DNAAF9: variants seen among roughly 807,000 people sequenced by gnomAD.
DNAAF9 encodes shulin.
A neutral mutation model predicts 167.0 loss-of-function variants in DNAAF9; 90 were observed. The observed-to-expected ratio is 0.54, with a 90% CI of 0.45 to 0.64. The LOEUF (loss-of-function observed/expected upper bound fraction) is 0.64, where lower values mean the gene tolerates loss of function less well. Among genes scored for constraint, DNAAF9 ranks in the 30% least tolerant of loss-of-function variants. DNAAF9 has a pLI of 0.00. For synonymous variants in DNAAF9, 491 were observed against 508.8 expected (o/e 0.96, Z 0.47); for missense variants, 1,315 against 1,442.2 (o/e 0.91, Z 1.43).
At chr20:3,350,279 G>A (rs891235324) in intron 7 of DNAAF9, among the ~76,000 whole-genome samples, 1 of 151,798 alleles carries the variant, frequency 6.6e-6, no homozygotes, top group African/African-American at 2.4e-5. Context: ...AGGAGTTCGA[G>A]ATCAGCCTGG....
chr20:3,253,080 T>C (rs2068220765), intron 36 of DNAAF9, among the ~76,000 whole-genome samples: 2 of 152,108 alleles, frequency 1.3e-5, no homozygotes, highest in African/African-American at 4.8e-5. Flanking sequence ...TACTAGCAAT[T>C]TGGGAGGCTG....
In DNAAF9 at chr20:3,287,649, C is replaced by T. The variant is rs1279248409; in HGVS notation, c.2469G>A (p.Leu823=). The T allele has an allele frequency of 1.2e-6, 2 of 1,614,246 alleles. No individual in the cohort carries two copies. The highest frequency in any genetic ancestry group is 1.7e-6 in the Non-Finnish European group (2 of 1,180,034). The change falls in exon 27 of 37, where the codon CTG becomes CTA. Residue 823 remains leucine, a synonymous_variant. Coordinates refer to ENST00000252032, the MANE Select transcript of DNAAF9 (RefSeq NM_001009984.3). ...QSAYIRKKTR[L]LVVLQGYTDV... is the part of the protein sequence containing the mutation. ...ATGCTCACCCTTGTAACACCACCAG[C>T]AGTCTGGTCTTCTTGCGGATGTAGG... is the stretch of plus-strand genomic sequence containing the variant.
intron 6 of DNAAF9, among the ~76,000 whole-genome samples, chr20:3,373,219 T>G (rs2083532853): frequency 6.6e-6 from 1 of 152,236 alleles, no homozygotes; most frequent in African/African-American, 2.4e-5. Context: ...ATGCCAGTAC[T>G]TCTCAGAGGG....
chr20:3,405,272 T>C (rs1417801454), intron 1 of DNAAF9, among the ~76,000 whole-genome samples: 2 of 152,196 alleles, frequency 1.3e-5, no homozygotes, highest in Non-Finnish European at 2.9e-5. Context: ...TCTGTGAAAA[T>C]GAACTACCGT....
At chr20:3,285,851 G>A (rs1278528748) in intron 27 of DNAAF9, among the ~76,000 whole-genome samples, 3 of 151,294 alleles carry the variant, frequency 2.0e-5, no homozygotes, top group Non-Finnish European at 4.4e-5. Context: ...GTGGTGGCGT[G>A]TGCCTGCAAT....
Position 3,381,500 on chromosome 20 carries a change from T to C in DNAAF9, c.164-2A>G, listed in dbSNP as rs757266254. On this transcript the variant is annotated splice_acceptor_variant, in intron 2 of 36. Transcript: ENST00000252032. LOFTEE classifies it high-confidence loss of function. ...CTTCATTGTACCTGCTATCGATTCC[T>C]GCAAGGCAAAGGAGGCTCTGATCAG... is the stretch of plus-strand genomic sequence containing the variant. The C allele has an allele frequency of 6.2e-7, 1 of 1,613,366 alleles. No homozygotes were observed. The highest frequency in any genetic ancestry group is 1.3e-5 in the African/African-American group (1 of 75,010).
At chr20:3,313,902 G>A (rs1008028032) in intron 20 of DNAAF9, among the ~76,000 whole-genome samples, 9 of 152,176 alleles carry the variant, frequency 5.9e-5, no homozygotes, top group African/African-American at 2.2e-4. Flanking sequence ...AGAGCACCGA[G>A]GCAGAGCTGA....
chr20:3,253,616 C>T, intron 36 of DNAAF9, 110 bp downstream of exon 36: 2 of 725,440 alleles, frequency 2.8e-6, no homozygotes, highest in Non-Finnish European at 2.5e-6. Flanking sequence ...CAGAGTGCTC[C>T]TGGGGCTCAA....
At position 3,343,709 on chromosome 20, in the gene DNAAF9, T is replaced by C; in HGVS notation, c.812A>G (p.His271Arg). 1.2e-6 allele frequency: 2 copies of C among 1,613,082 alleles called. No homozygotes were observed. Among genetic ancestry groups the C allele is most frequent in the South Asian group, 1.1e-5 (1 of 90,924 alleles). ...AGEPFRSYFS[H>R]GMISSHITEN... is the part of the protein sequence containing the mutation. ...AGTTATATGGCTAGAGATCATTCCA[T>C]GACTGAAATAACTTCTGAATGGCTA... The change falls in exon 9 of 37, where the codon CAT (histidine) becomes CGT (arginine). Residue 271 changes from histidine to arginine, a missense_variant. Physicochemically the swap from His to Arg is conservative, Grantham distance 29. This residue lies in a region of DNAAF9 where 981 missense variants were observed against 1,012.5 expected (regional missense o/e 0.97). Coordinates refer to ENST00000252032, the MANE Select transcript of DNAAF9 (RefSeq NM_001009984.3).
intron 15 of DNAAF9, 40 bp downstream of exon 15, chr20:3,322,612 A>T (rs2069636049): frequency 1.3e-6 from 2 of 1,500,440 alleles, no homozygotes; most frequent in Non-Finnish European, 1.9e-6. Context: ...TCTTCCTAAA[A>T]CTTGCTCCAT....
Position 3,323,572 on chromosome 20 carries a change from C to A in DNAAF9, c.1266-876G>T, listed in dbSNP as rs1229825637. ...TTAAGATTACAGGCGTGAGCCACTG[C>A]GCCCCGCCCTCAGTGAAGCAATCTT... is the stretch of plus-strand genomic sequence containing the variant. On this transcript the variant is annotated intron_variant, in intron 14 of 36. Coordinates refer to ENST00000252032, the MANE Select transcript of DNAAF9 (RefSeq NM_001009984.3). 2.6e-5 allele frequency among the ~76,000 whole-genome samples: 4 copies of A among 152,224 alleles called. No individual in the cohort carries two copies. In the South Asian group the frequency reaches 8.3e-4, roughly 32 times the overall value.
At chr20:3,391,512 T>C (rs2083825136) in intron 1 of DNAAF9, among the ~76,000 whole-genome samples, 1 of 152,058 alleles carries the variant, frequency 6.6e-6, no homozygotes, top group Admixed American at 6.5e-5. Context: ...AAAGTCATCA[T>C]TGATCCTCAC....
rs12480957 is a variant in DNAAF9, at chr20:3,364,999, G to A, written c.613-5406C>T. Among the ~76,000 whole-genome samples the A allele has an allele frequency of 4.1e-3, 602 of 148,560 alleles. 10 individuals carry two copies. Among genetic ancestry groups the A allele is most frequent in the Admixed American group, 0.027 (401 of 14,852 alleles). ...CCTTCTGTCACCCAGGCTGGAGTGC[G>A]GTGGCACAATCATAGCTCACTGCAG... On this transcript the variant is annotated intron_variant, in intron 6 of 36. Coordinates refer to ENST00000252032, the MANE Select transcript of DNAAF9 (RefSeq NM_001009984.3).
intron 7 of DNAAF9, among the ~76,000 whole-genome samples, chr20:3,353,373 C>T (rs867731331): frequency 7.2e-5 from 11 of 152,166 alleles, no homozygotes; most frequent in Middle Eastern, 3.4e-3. Context: ...GGACCGGGTG[C>T]GGTGGCTCAT....
intron 7 of DNAAF9, among the ~76,000 whole-genome samples, chr20:3,357,694 G>C (rs1238109385): frequency 6.6e-6 from 1 of 151,716 alleles, no homozygotes; most frequent in East Asian, 1.9e-4. Flanking sequence ...TAATTTTTCA[G>C]GTTTTTTCTT....
In DNAAF9 at chr20:3,296,860, C is replaced by T; in HGVS notation, c.2018+1G>A. 2 of 1,592,898 alleles carry T rather than the reference C, an allele frequency of 1.3e-6. No individual in the cohort carries two copies. Among genetic ancestry groups the T allele is most frequent in the Non-Finnish European group, 1.7e-6 (2 of 1,161,222 alleles). ...GCACAAATACTGAAGCAGCCACTTA[C>T]AATCTCTTTTGTTCCACAGATAATC... On this transcript the variant is annotated splice_donor_variant, in intron 23 of 36. Coordinates refer to ENST00000252032, the MANE Select transcript of DNAAF9 (RefSeq NM_001009984.3). LOFTEE classifies it high-confidence loss of function.
intron 13 of DNAAF9, 110 bp from the exon 14 acceptor site, chr20:3,325,078 A>AGT: frequency 1.4e-6 from 1 of 733,870 alleles, no homozygotes. Flanking sequence ...CATGCCCTAC[A>AGT]GTGTGTCCTT....
rs2068168232 is a variant in DNAAF9 at position 3,249,460 on chromosome 20, TATG to T, written c.*3109_*3111del. 1 of 152,272 alleles carries T rather than the reference TATG, an allele frequency of 6.6e-6. No individual in the cohort carries two copies. The highest frequency in any genetic ancestry group is 2.1e-4 in the South Asian group (1 of 4,836). The allele number at this position is 152,272 out of a possible 1,614,324, so 9.4% of individuals were successfully genotyped here. On this transcript the variant is annotated 3_prime_UTR_variant, in exon 37 of 37. Coordinates refer to ENST00000252032, the MANE Select transcript of DNAAF9 (RefSeq NM_001009984.3). ...CTGAATTAAGTAGTGTAATAAATAC[TATG>T]ATAAGCAAAAAGCTTCAATCGCACA...
intron 1 of DNAAF9, among the ~76,000 whole-genome samples, chr20:3,390,930 C>T (rs2083818050): frequency 1.3e-5 from 2 of 152,160 alleles, no homozygotes; most frequent in Admixed American, 6.5e-5. Flanking sequence ...CAGTAGGCTG[C>T]TTTACTGCCA....
Sources: allele counts gnomAD v4.1 joint callset (sites outside exome capture counted in the v4.1 genomes callset), GRCh38; gene constraint gnomAD v4.1.1; regional missense constraint gnomAD v4.1.1; transcripts MANE v1.5; gene names NCBI Gene and HGNC (gene_info 2026-07-23, HGNC 2026-07-21).